The following LARP4 variants were observed in gnomAD, a reference collection of about 807,000 sequenced individuals.
The protein encoded by LARP4 is la-related protein 4.
LARP4 carries 29 observed loss-of-function variants against 92.9 expected under a neutral mutation model. The ratio of observed to expected loss-of-function variants is 0.31; its 90% CI spans 0.23 to 0.43. The LOEUF is 0.43. Among genes scored for constraint, LARP4 ranks in the 20% least tolerant of loss-of-function variants. LARP4 has a pLI of 1.00. For missense variants in LARP4, 732 were observed against 860.0 expected (o/e 0.85, Z 1.86); for synonymous variants, 279 against 284.1 (o/e 0.98, Z 0.18).
Position 50,459,058 on chromosome 12 carries a change from G to C in LARP4, c.1122-2077G>C, listed in dbSNP as rs180782320. ...TTGTTGCCCAGGCTGGAGTGCAATG[G>C]TGTGATCTTGGCTCCCTGCAAACTC... On this transcript the variant is annotated intron_variant, in intron 10 of 15. Transcript: ENST00000398473. Among the ~76,000 whole-genome samples, 273 of 152,252 alleles carry C rather than the reference G, an allele frequency of 1.8e-3. 1 individual carries two copies. Among genetic ancestry groups the C allele is most frequent in the African/African-American group, 6.0e-3 (249 of 41,548 alleles).
chr12:50,415,732 C>T lies in LARP4; in HGVS notation c.19-12030C>T, dbSNP rs573704249. The T allele has an allele frequency of 7.3e-5, 11 of 150,600 alleles. No homozygotes were observed. In the East Asian group the frequency reaches 7.8e-4, roughly 11 times the overall value. The allele number at this position is 150,600 out of a possible 1,614,324, so 9.3% of individuals were successfully genotyped here. On this transcript the variant is annotated intron_variant, in intron 1 of 15. Coordinates refer to ENST00000398473, the MANE Select transcript of LARP4 (RefSeq NM_052879.5). ...TTGAGACGGGCTCACTTTGTTACCC[C>T]GGCTGGAGTGCGGTGTCACGATCTC...
intron 5 of LARP4, 32 bp from the exon 6 acceptor site, chr12:50,437,703 G>A (rs759101207): frequency 3.9e-6 from 5 of 1,265,994 alleles, no homozygotes; most frequent in Admixed American, 3.7e-5. Context: ...TACTTGTCAC[G>A]TTTGAGTGAT....
intron 8 of LARP4, among the ~76,000 whole-genome samples, chr12:50,450,592 G>T (rs1953011501): frequency 6.6e-6 from 1 of 151,960 alleles, no homozygotes; most frequent in Non-Finnish European, 1.5e-5. Flanking sequence ...TCCGCCTCCT[G>T]GGTTCAAGCA....
chr12:50,441,387 C>T (rs1299135029), intron 7 of LARP4: 3 of 409,296 alleles, frequency 7.3e-6, no homozygotes, highest in Non-Finnish European at 1.3e-5. Context: ...TGCAGTAATC[C>T]ATGGTGGCTT....
intron 8 of LARP4, among the ~76,000 whole-genome samples, chr12:50,445,799 T>G (rs1489738536): frequency 1.3e-5 from 2 of 152,160 alleles, no homozygotes; most frequent in Non-Finnish European, 2.9e-5. Context: ...TGCTGTGATT[T>G]CCCCTTAATT....
At chr12:50,404,635 G>A (rs1249428121) in intron 1 of LARP4, among the ~76,000 whole-genome samples, 2 of 151,350 alleles carry the variant, frequency 1.3e-5, no homozygotes, top group African/African-American at 2.4e-5. Context: ...GCTAGAGGGT[G>A]GCGCAGTCTC....
intron 13 of LARP4, 113 bp downstream of exon 13, chr12:50,467,233 A>G: frequency 1.3e-6 from 1 of 764,990 alleles, no homozygotes; most frequent in Non-Finnish European, 2.0e-6. Context: ...CATAGTTTTT[A>G]TTTATGGAGT....
intron 1 of LARP4, among the ~76,000 whole-genome samples, chr12:50,409,160 G>T (rs532147144): frequency 6.6e-5 from 10 of 152,148 alleles, no homozygotes; most frequent in East Asian, 1.9e-4. Context: ...TTACATAAAA[G>T]ATTTTTTTTT....
intron 4 of LARP4, among the ~76,000 whole-genome samples, chr12:50,432,968 T>G (rs1949897213): frequency 6.6e-6 from 1 of 151,944 alleles, no homozygotes; most frequent in Admixed American, 6.6e-5. Context: ...TAGATTTTAC[T>G]GTCTTTTCAG....
At chr12:50,437,132 A>G (rs1425969666) in intron 5 of LARP4, among the ~76,000 whole-genome samples, 1 of 152,180 alleles carries the variant, frequency 6.6e-6, no homozygotes, top group Admixed American at 6.5e-5. Flanking sequence ...CTGGTATATT[A>G]ACTCCATGAA....
At chr12:50,401,206 T>C in intron 1 of LARP4, 178 bp downstream of exon 1, 2 of 711,214 alleles carry the variant, frequency 2.8e-6, no homozygotes, top group Non-Finnish European at 5.0e-6. Flanking sequence ...CACAACACTC[T>C]AGGAAGCTAT....
intron 8 of LARP4, among the ~76,000 whole-genome samples, chr12:50,452,091 G>C (rs993998406): frequency 1.5e-4 from 23 of 152,278 alleles, no homozygotes; most frequent in Non-Finnish European, 2.2e-4. Flanking sequence ...GTGGACACCG[G>C]GTTGTTTCCA....
intron 1 of LARP4, chr12:50,416,199 G>A (rs762653714): frequency 2.0e-5 from 3 of 152,286 alleles, no homozygotes; most frequent in Non-Finnish European, 4.4e-5. Flanking sequence ...AGTGGCTTTG[G>A]TGCTGGCAGT....
Position 50,415,179 on chromosome 12 carries a change from G to A in LARP4, c.19-12583G>A, listed in dbSNP as rs117194579. 1.5e-3 allele frequency among the ~76,000 whole-genome samples: 225 copies of A among 152,268 alleles called. 1 individual carries two copies. Among genetic ancestry groups the A allele is most frequent in the Non-Finnish European group, 2.8e-3 (190 of 68,030 alleles). On this transcript the variant is annotated intron_variant, in intron 1 of 15. Coordinates refer to ENST00000398473, the MANE Select transcript of LARP4 (RefSeq NM_052879.5). ...GATCGTGCCATTGCATTACCAGCCT[G>A]GGCAACAGAGCAGGAGATCTGTCTC...
rs1268071769 is a variant in LARP4 at position 50,418,657 on chromosome 12, G to A, written c.19-9105G>A. On this transcript the variant is annotated intron_variant, in intron 1 of 15. Coordinates refer to ENST00000398473, the MANE Select transcript of LARP4 (RefSeq NM_052879.5). ...GCTGGTCTCGAACTCCTGAGCTCAA[G>A]CGATTTGCCTGCCTCAGCCTCCCAT... Among the ~76,000 whole-genome samples the A allele has an allele frequency of 8.5e-5, 13 of 152,050 alleles. 1 individual carries two copies. Among genetic ancestry groups the A allele is most frequent in the Admixed American group, 8.5e-4 (13 of 15,266 alleles).
chr12:50,408,989 T>G (rs1195960822), intron 1 of LARP4, among the ~76,000 whole-genome samples: 1 of 152,034 alleles, frequency 6.6e-6, no homozygotes, highest in South Asian at 2.1e-4. Flanking sequence ...AAAAATTTTT[T>G]TTTTAAATAT....
chr12:50,434,501 C>T (rs966330478), intron 4 of LARP4, among the ~76,000 whole-genome samples: 3 of 149,218 alleles, frequency 2.0e-5, no homozygotes, highest in African/African-American at 7.4e-5. Context: ...TCATTGCAAT[C>T]TCCGCCTCCC....
intron 1 of LARP4, among the ~76,000 whole-genome samples, chr12:50,412,829 GT>G (rs1946136778): frequency 6.6e-6 from 1 of 152,076 alleles, no homozygotes; most frequent in Non-Finnish European, 1.5e-5. Flanking sequence ...AGTTTACATC[GT>G]TTAGTAGATA....
intron 1 of LARP4, among the ~76,000 whole-genome samples, chr12:50,421,734 G>A (rs1423747781): frequency 6.6e-6 from 1 of 152,114 alleles, no homozygotes; most frequent in Non-Finnish European, 1.5e-5. Flanking sequence ...GGTTACTATA[G>A]CAGGTCATGT....
Sources: gnomAD v4.1 joint callset for allele counts (sites outside exome capture counted in the v4.1 genomes callset) on GRCh38, gnomAD v4.1.1 for gene constraint, MANE v1.5 for transcripts, NCBI Gene and HGNC (gene_info 2026-07-23, HGNC 2026-07-21) for gene names.